LARP1: variants seen among roughly 807,000 people sequenced by gnomAD.
The protein encoded by LARP1 is La ribonucleoprotein 1, translational regulator.
In LARP1, 36 loss-of-function variants were observed where a neutral mutation model predicts 122.7. The observed-to-expected ratio is 0.29, with a 90% CI of 0.22 to 0.39. LARP1 has a LOEUF of 0.39. Ranked by LOEUF, LARP1 falls within the 10% of genes least tolerant of loss-of-function variation. The pLI, the probability that LARP1 is intolerant of heterozygous loss-of-function variation, is 1.00. For synonymous variants in LARP1, 539 were observed against 528.7 expected, an observed-to-expected ratio of 1.02 and a Z score of -0.27; for missense variants, 1,040 against 1,403.6, an observed-to-expected ratio of 0.74 and a Z score of 4.14.
intron 1 of LARP1, among the ~76,000 whole-genome samples, chr5:154,789,573 T>C (rs1045181283): frequency 5.9e-5 from 9 of 152,340 alleles, no homozygotes; most frequent in African/African-American, 2.2e-4. Flanking sequence ...GTAGAGATCA[T>C]TATCTTTTTC....
chr5:154,743,062 T>C lies in LARP1; in HGVS notation c.205+29932T>C, dbSNP rs370000848. ...ACTATGAATGTTAAAGTCTTGGAGA[T>C]GACCTACAGCCAAACACTCATTTAA... is the stretch of plus-strand genomic sequence containing the variant. On this transcript the variant is annotated intron_variant, in intron 1 of 18. Coordinates refer to the LARP1 transcript ENST00000336314. Among the ~76,000 whole-genome samples, 86 of 152,322 alleles carry C rather than the reference T, an allele frequency of 5.6e-4. 1 individual carries two copies. In the South Asian group the frequency reaches 0.017, roughly 30 times the overall value.
chr5:154,699,760 C>T (rs1473399255), intron 1 of LARP1, among the ~76,000 whole-genome samples: 1 of 152,108 alleles, frequency 6.6e-6, no homozygotes, highest in Non-Finnish European at 1.5e-5. Flanking sequence ...GGTGGAGGGA[C>T]CGAGGTACAA....
At chr5:154,767,668 A>C (rs551656687) in intron 1 of LARP1, among the ~76,000 whole-genome samples, 1 of 152,262 alleles carries the variant, frequency 6.6e-6, no homozygotes, top group Non-Finnish European at 1.5e-5. Flanking sequence ...ACTCTCTTTC[A>C]TGGCTTTCTG....
Position 154,802,464 on chromosome 5 carries a change from G to T in LARP1, c.2109+65G>T. On this transcript the variant is annotated intron_variant, in intron 11 of 18. Transcript: ENST00000518297. This position sits in a 1 kb window ranked among gnomAD's most constrained non-coding sequence, Gnocchi z 5.1. ...GCCTGTATTGTACGGAGAAGAGGAAGCCTGATTAGCTGTGCAATTTTAGGC... is the reference window on the plus strand; with the variant it reads ...GCCTGTATTGTACGGAGAAGAGGAATCCTGATTAGCTGTGCAATTTTAGGC... 3 of 1,494,770 alleles carry T rather than the reference G, an allele frequency of 2.0e-6. No individual in the cohort carries two copies. Among genetic ancestry groups the T allele is most frequent in the South Asian group, 2.7e-5 (2 of 72,880 alleles). 92.6% of individuals were successfully genotyped at this position (1,494,770 alleles called of 1,614,324 possible). A position where few individuals can be genotyped will look rare whatever the true frequency, so the allele number is the denominator to read the frequency against.
chr5:154,735,180 C>T (rs372307820), intron 1 of LARP1, among the ~76,000 whole-genome samples: 1 of 152,038 alleles, frequency 6.6e-6, no homozygotes, highest in Admixed American at 6.6e-5. Flanking sequence ...TCAGGTCAAA[C>T]GTGGTGGCTC....
upstream of LARP1, among the ~76,000 whole-genome samples, chr5:154,710,742 CAA>C (rs35253134): frequency 0.44 from 40,014 of 91,478 alleles, 6,252 homozygotes; most frequent in Non-Finnish European, 0.5. Flanking sequence ...GACTCCATCT[CAA>C]AAAAAAAAAA....
Position 154,813,933 on chromosome 5 carries a change from CA to C in LARP1, c.3129del (p.Gly1044GlufsTer22). The C allele has an allele frequency of 6.2e-7, 1 of 1,614,066 alleles. No homozygotes were observed. Among genetic ancestry groups the C allele is most frequent in the Non-Finnish European group, 8.5e-7 (1 of 1,179,994 alleles). On this transcript the variant is annotated frameshift_variant, in exon 19 of 19. Coordinates refer to ENST00000518297, the MANE Select transcript of LARP1 (RefSeq NM_033551.3). LOFTEE classifies it high-confidence loss of function. ...EGNHKRHSVV[A>X]GGGGGEGRKR... is the part of the protein sequence containing the mutation. ...AACCACAAGCGACACTCAGTGGTAG[CA>C]GGAGGTGGCGGCGGTGAGGGCAGGA... is the stretch of plus-strand genomic sequence containing the variant.
In LARP1 at chr5:154,755,727, G is replaced by T. The variant is rs1345611690; in HGVS notation, c.-31G>T. 6 of 987,838 alleles carry T rather than the reference G, an allele frequency of 6.1e-6. No individual in the cohort carries two copies. Among genetic ancestry groups the T allele is most frequent in the South Asian group, 4.6e-5 (1 of 21,630 alleles). The allele number at this position is 987,838 out of a possible 1,614,324, so 61.2% of individuals were successfully genotyped here. On this transcript the variant is annotated 5_prime_UTR_variant, in exon 1 of 19. Transcript: ENST00000518297. ...AGGCGGGGGAGGCAGCCTCGGGCGC[G>T]CCCGGCTTCTCCGGGGGGGCGGGCG...
At chr5:154,744,228 T>C (rs1039518206) in intron 1 of LARP1, among the ~76,000 whole-genome samples, 3 of 152,170 alleles carry the variant, frequency 2.0e-5, no homozygotes, top group African/African-American at 7.2e-5. Flanking sequence ...TCTCAGCAAA[T>C]CCTACTTCCC....
chr5:154,802,494 C>T lies in LARP1; in HGVS notation c.2109+95C>T. On this transcript the variant is annotated intron_variant, in intron 11 of 18. Transcript: ENST00000518297. The surrounding 1 kb of genome is among the most constrained non-coding windows in gnomAD (Gnocchi z 5.1). ...ATTAGCTGTGCAATTTTAGGCAGGT[C>T]CTTATAATTCAGAGTCTCAGGATTT... 2 of 1,402,214 alleles carry T rather than the reference C, an allele frequency of 1.4e-6. No homozygotes were observed. The highest frequency in any genetic ancestry group is 1.9e-6 in the Non-Finnish European group (2 of 1,055,774). 86.9% of individuals were successfully genotyped at this position (1,402,214 alleles called of 1,614,324 possible).
intron 1 of LARP1, among the ~76,000 whole-genome samples, chr5:154,764,561 A>C (rs1160141686): frequency 7.9e-6 from 1 of 126,436 alleles, no homozygotes; most frequent in Non-Finnish European, 1.6e-5. Context: ...GAGCCACTGC[A>C]CTCCAGCCTA....
intron 1 of LARP1, among the ~76,000 whole-genome samples, chr5:154,767,754 G>A (rs948212817): frequency 2.0e-4 from 31 of 152,186 alleles, no homozygotes; most frequent in African/African-American, 7.5e-4. Flanking sequence ...TGTTCTGCGT[G>A]TGTATTAACA....
At chr5:154,758,861 C>T (rs1453408513) in intron 1 of LARP1, among the ~76,000 whole-genome samples, 2 of 152,098 alleles carry the variant, frequency 1.3e-5, no homozygotes, top group Non-Finnish European at 2.9e-5. Context: ...TTGTGGGGTT[C>T]TGTATTCTGG....
chr5:154,799,020 C>A (rs962267618), intron 8 of LARP1, among the ~76,000 whole-genome samples: 1 of 152,194 alleles, frequency 6.6e-6, no homozygotes, highest in Non-Finnish European at 1.5e-5. Flanking sequence ...TGTGCCACCA[C>A]AACCAGCTAA....
chr5:154,723,753 A>C (rs1413675448), intron 1 of LARP1, among the ~76,000 whole-genome samples: 1 of 152,246 alleles, frequency 6.6e-6, no homozygotes, highest in African/African-American at 2.4e-5. Context: ...ACCAGGAAGT[A>C]GTATGCCAGA....
intron 1 of LARP1, among the ~76,000 whole-genome samples, chr5:154,701,969 C>A (rs897344412): frequency 6.6e-6 from 1 of 152,062 alleles, no homozygotes; most frequent in Admixed American, 6.6e-5. Context: ...ATATAAGCCA[C>A]CATTGTGGAC....
At position 154,756,187 on chromosome 5, in the gene LARP1, C is replaced by A; in HGVS notation, c.430C>A (p.Pro144Thr). 1 of 1,298,940 alleles carries A rather than the reference C, an allele frequency of 7.7e-7. No homozygotes were observed. The highest frequency in any genetic ancestry group is 1.0e-6 in the Non-Finnish European group (1 of 990,344). 80.5% of individuals were successfully genotyped at this position (1,298,940 alleles called of 1,614,324 possible). The part of the protein sequence containing the change: ...PVLTTVNGQS[P>T]PEHSAPAKVV... Reference sequence around the variant, plus strand: ...CCTGACCACCGTGAACGGACAGTCCCCCCCAGGTGGGTCTCCCTCCTTGCC... The same window carrying A: ...CCTGACCACCGTGAACGGACAGTCCACCCCAGGTGGGTCTCCCTCCTTGCC... Residue 144 changes from proline (P) to threonine (T), a missense_variant, in exon 1 of 19, where the codon CCC becomes ACC. By Grantham distance (38) the Pro-to-Thr change is conservative. Coordinates refer to ENST00000518297, the MANE Select transcript of LARP1 (RefSeq NM_033551.3).
intron 3 of LARP1, chr5:154,792,067 T>G: frequency 2.3e-6 from 1 of 436,830 alleles, no homozygotes; most frequent in South Asian, 1.6e-5. Flanking sequence ...TTGGGTTTTC[T>G]GAGTGAAGTA....
Position 154,790,656 on chromosome 5 carries a change from T to C in LARP1, c.510T>C (p.Phe170=), listed in dbSNP as rs1757266350. The C allele has an allele frequency of 6.2e-7, 1 of 1,614,042 alleles. No individual in the cohort carries two copies. Among genetic ancestry groups the C allele is most frequent in the African/African-American group, 1.3e-5 (1 of 74,912 alleles). ...TATGTTCCCTGCAGGTTGGTGACTT[T>C]GGAGATGCAATCAATTGGCCCACAC... ...KQRKGSKVGD[F]GDAINWPTPG... Residue 170 remains phenylalanine (F), a synonymous_variant, in exon 3 of 19, where the codon TTT becomes TTC. Coordinates refer to ENST00000518297, the MANE Select transcript of LARP1 (RefSeq NM_033551.3).
Sources: gnomAD v4.1 joint callset for allele counts (sites outside exome capture counted in the v4.1 genomes callset) on GRCh38, gnomAD v4.1.1 for gene constraint, Gnocchi (gnomAD v3.1) non-coding constraint, MANE v1.5 for transcripts, NCBI Gene and HGNC (gene_info 2026-07-23, HGNC 2026-07-21) for gene names.